DLGAP1: variants seen among roughly 807,000 people sequenced by gnomAD.
DLGAP1 encodes the protein disks large-associated protein 1.
In DLGAP1, 11 loss-of-function variants were observed where a neutral mutation model predicts 90.8. The ratio of observed to expected loss-of-function variants is 0.12; its 90% CI spans 0.08 to 0.20. The LOEUF is 0.20. Among genes scored for constraint, DLGAP1 ranks in the 10% least tolerant of loss-of-function variants. The probability of loss-of-function intolerance (pLI) is 1.00; values close to 1 mark genes in which losing one functional copy is unlikely to be tolerated. For synonymous variants in DLGAP1, 558 were observed against 540.7 expected, an observed-to-expected ratio of 1.03 and a Z score of -0.44; for missense variants, 1,050 against 1,333.8, an observed-to-expected ratio of 0.79 and a Z score of 3.31.
At chr18:3,678,242 G>A (rs1021403995) in intron 7 of DLGAP1, among the ~76,000 whole-genome samples, 3 of 152,172 alleles carry the variant, frequency 2.0e-5, no homozygotes, top group African/African-American at 4.8e-5. Flanking sequence ...GATTACAGGC[G>A]TGTGCCAGTG....
intron 7 of DLGAP1, among the ~76,000 whole-genome samples, chr18:3,641,068 G>A (rs185786072): frequency 1.2e-4 from 18 of 152,064 alleles, no homozygotes; most frequent in Admixed American, 6.5e-5. Flanking sequence ...TTCTTCATGA[G>A]GCACAGCAAA....
At chr18:3,990,257 G>T (rs908158068) in intron 3 of DLGAP1, among the ~76,000 whole-genome samples, 4 of 151,870 alleles carry the variant, frequency 2.6e-5, no homozygotes, top group Non-Finnish European at 1.5e-5. Flanking sequence ...TGATAGACTG[G>T]ATTAAGAAAA....
intron 1 of DLGAP1, among the ~76,000 whole-genome samples, chr18:4,341,774 C>G (rs976981053): frequency 6.6e-6 from 1 of 152,084 alleles, no homozygotes; most frequent in Non-Finnish European, 1.5e-5. Context: ...AGACATCAAA[C>G]ATAAGAGGGA....
At chr18:4,365,851 C>G (rs1908831931) in intron 1 of DLGAP1, among the ~76,000 whole-genome samples, 1 of 152,046 alleles carries the variant, frequency 6.6e-6, no homozygotes, top group Non-Finnish European at 1.5e-5. Flanking sequence ...TATTTAATAA[C>G]TAAATGTTAT....
chr18:4,234,762 A>G (rs1350365009), intron 1 of DLGAP1, among the ~76,000 whole-genome samples: 1 of 152,214 alleles, frequency 6.6e-6, no homozygotes, highest in Non-Finnish European at 1.5e-5. Context: ...AAGTCTCAGC[A>G]TCAACTCTCA....
In DLGAP1 at chr18:3,848,127, C is replaced by CAAAAAAAAAAAAA; in HGVS notation, c.957+30972_957+30984dup. ...TGGATGATGGAGCAAGGCCCCGTCT[C>CAAAAAAAAAAAAA]AAAAAAAAAAAAAAAAAAAAAAAAA... On this transcript the variant is annotated intron_variant, in intron 4 of 12. Coordinates refer to ENST00000315677, the MANE Select transcript of DLGAP1 (RefSeq NM_004746.4). 1.4e-3 allele frequency among the ~76,000 whole-genome samples: 45 copies of CAAAAAAAAAAAAA among 32,078 alleles called. 1 individual carries two copies. Among genetic ancestry groups the CAAAAAAAAAAAAA allele is most frequent in the Non-Finnish European group, 1.4e-3 (29 of 20,760 alleles). 21.0% of individuals were successfully genotyped at this position (32,078 alleles called of 152,430 possible). A position where few individuals can be genotyped will look rare whatever the true frequency, so the allele number is the denominator to read the frequency against.
At chr18:3,500,532 C>T (rs2049874691) in intron 12 of DLGAP1, among the ~76,000 whole-genome samples, 1 of 152,152 alleles carries the variant, frequency 6.6e-6, no homozygotes, top group Admixed American at 6.5e-5. Context: ...GTGCCTAGTT[C>T]AACTTCTCAC....
chr18:4,287,865 T>A (rs573316469), intron 1 of DLGAP1, among the ~76,000 whole-genome samples: 324 of 151,302 alleles, frequency 2.1e-3, no homozygotes, highest in South Asian at 0.018. Context: ...AGAAAAATTT[T>A]AAAAAATAAA....
intron 2 of DLGAP1, among the ~76,000 whole-genome samples, chr18:4,088,619 T>C (rs1336122830): frequency 6.6e-6 from 1 of 152,224 alleles, no homozygotes; most frequent in Non-Finnish European, 1.5e-5. Flanking sequence ...GAAAAAGTTA[T>C]TATTTGCTGT....
intron 4 of DLGAP1, among the ~76,000 whole-genome samples, chr18:3,870,612 CTATCTATCT>C (rs1456171287): frequency 9.1e-6 from 1 of 109,560 alleles, no homozygotes; most frequent in African/African-American, 3.1e-5. Flanking sequence ...ATACATCTAT[CTATCTATCT>C]ATCTATCTAT....
chr18:3,961,561 C>T (rs904738546), intron 3 of DLGAP1, among the ~76,000 whole-genome samples: 1 of 152,196 alleles, frequency 6.6e-6, no homozygotes, highest in African/African-American at 2.4e-5. Context: ...GAGCAGGATA[C>T]ACAAGGGCAC....
chr18:4,276,592 C>T (rs544840890), intron 1 of DLGAP1, among the ~76,000 whole-genome samples: 8 of 151,362 alleles, frequency 5.3e-5, no homozygotes, highest in East Asian at 3.9e-4. Context: ...GCTAAGATCT[C>T]GCCACTGCAC....
chr18:4,079,691 A>AATATATATATATATATAT (rs10597845), intron 2 of DLGAP1, among the ~76,000 whole-genome samples: 31 of 146,598 alleles, frequency 2.1e-4, no homozygotes, highest in African/African-American at 7.5e-4. Context: ...ATTGAAATTA[A>AATATATATATATATATAT]ATATATATAT....
intron 2 of DLGAP1, among the ~76,000 whole-genome samples, chr18:4,057,462 A>C (rs1257529287): frequency 6.6e-6 from 1 of 152,180 alleles, no homozygotes; most frequent in Non-Finnish European, 1.5e-5. Context: ...GCATGTGGAC[A>C]GCCCACCCTA....
intron 1 of DLGAP1, among the ~76,000 whole-genome samples, chr18:4,192,120 G>A (rs1405791459): frequency 6.6e-6 from 1 of 151,974 alleles, no homozygotes; most frequent in East Asian, 1.9e-4. Context: ...TTTTTCTCCT[G>A]ATCATAAAAA....
At chr18:4,279,699 GT>G (rs1394751526) in intron 1 of DLGAP1, among the ~76,000 whole-genome samples, 6 of 152,104 alleles carry the variant, frequency 3.9e-5, no homozygotes, top group African/African-American at 1.4e-4. Flanking sequence ...CTTAACTAAA[GT>G]AAACATTTAT....
chr18:3,505,964 C>T (rs186761634), intron 11 of DLGAP1, among the ~76,000 whole-genome samples: 320 of 152,204 alleles, frequency 2.1e-3, no homozygotes, highest in African/African-American at 7.2e-3. Flanking sequence ...GGGCCAGGTG[C>T]GGTGGCTCAC....
intron 1 of DLGAP1, among the ~76,000 whole-genome samples, chr18:4,204,567 C>G (rs1284887123): frequency 2.6e-5 from 4 of 151,634 alleles, no homozygotes; most frequent in African/African-American, 9.7e-5. Context: ...AAAACACCCT[C>G]CCTCCTCACC....
intron 1 of DLGAP1, among the ~76,000 whole-genome samples, chr18:4,341,198 A>ATG (rs1314906345): frequency 1.3e-5 from 2 of 151,894 alleles, no homozygotes; most frequent in South Asian, 2.1e-4. Flanking sequence ...ATATATATAT[A>ATG]AAAAGAAAAA....
Sources: gnomAD v4.1 joint callset for allele counts (sites outside exome capture counted in the v4.1 genomes callset) on GRCh38, gnomAD v4.1.1 for gene constraint, MANE v1.5 for transcripts, NCBI Gene and HGNC (gene_info 2026-07-23, HGNC 2026-07-21) for gene names.